Variants in DRP2 observed in about 807,000 individuals in gnomAD.
DRP2 encodes the protein dystrophin related protein 2.
Under a neutral mutation model 78.2 loss-of-function variants are expected in DRP2, and 29 were observed. That is an observed-to-expected ratio of 0.37 (90% CI 0.28 to 0.51). The LOEUF (loss-of-function observed/expected upper bound fraction) is 0.51, where lower values mean the gene tolerates loss of function less well. DRP2 is among the 20% of genes least tolerant of loss of function. The pLI, the probability that DRP2 is intolerant of heterozygous loss-of-function variation, is 0.94. For missense variants in DRP2, 686 were observed against 770.6 expected (o/e 0.89, Z 1.30); for synonymous variants, 290 against 281.9 (o/e 1.03, Z -0.29).
chrX:101,228,664 T>G (rs1922201708), intron 2 of DRP2, among the ~76,000 whole-genome samples: 1 of 111,555 alleles, frequency 9.0e-6, no homozygotes, highest in Non-Finnish European at 1.9e-5. Flanking sequence ...ATATAAACAC[T>G]TTGCGAGGCT....
intron 1 of DRP2, among the ~76,000 whole-genome samples, chrX:101,221,090 G>A (rs1250247703): frequency 8.9e-6 from 1 of 111,987 alleles, no homozygotes; most frequent in Non-Finnish European, 1.9e-5. Context: ...TGGCAAGGCT[G>A]GGCTGGGGTG....
At chrX:101,257,078 A>T (rs1338858605) in intron 21 of DRP2, among the ~76,000 whole-genome samples, 2 of 110,197 alleles carry the variant, frequency 1.8e-5, no homozygotes, top group African/African-American at 6.6e-5. Context: ...GTGAAGAAGA[A>T]TACAGGGAAG....
At chrX:101,260,267 T>G (rs1376468442) in intron 23 of DRP2, 98 bp downstream of exon 23, 1 of 1,111,357 alleles carries the variant, frequency 9.0e-7, no homozygotes, top group East Asian at 3.0e-5. Context: ...TGGTTTCTCC[T>G]CTTGGCTTTG....
At chrX:101,237,595 A>ACGAGGTCAGGAGATCGAGACCATCC in intron 4 of DRP2, 24 bp from the exon 5 acceptor site, 1 of 1,046,529 alleles carries the variant, frequency 9.6e-7, no homozygotes, top group Admixed American at 3.4e-5. Context: ...ACTGAACATC[A>ACGAGGTCAGGAGATCGAGACCATCC]CTGGTTTTAC....
Position 101,248,121 on chromosome X carries a change from A to C in DRP2, c.1285A>C (p.Ile429Leu), listed in dbSNP as rs766442310. Residue 429 changes from isoleucine to leucine, a missense_variant, in exon 13 of 24, where the codon ATC becomes CTC. Transcript: ENST00000395209. ...DLVTLTTALE[I>L]FNEHDLQASE... ...GGTAACTTTAACCACAGCCCTGGAA[A>C]TCTTCAATGAGCATGATCTGCAGGC... 8 of 1,209,436 alleles carry C rather than the reference A, an allele frequency of 6.6e-6. No homozygotes were observed. The highest frequency in any genetic ancestry group is 1.8e-5 in the African/African-American group (1 of 56,921).
chrX:101,260,681 C>T lies in DRP2; in HGVS notation c.*60C>T. The T allele has an allele frequency of 1.7e-6, 2 of 1,152,613 alleles. No individual in the cohort carries two copies. The highest frequency in any genetic ancestry group is 1.8e-5 in the African/African-American group (1 of 56,199). The allele number at this position is 1,152,613 out of a possible 1,213,427, so 95.0% of individuals were successfully genotyped here. On this transcript the variant is annotated 3_prime_UTR_variant, in exon 24 of 24. Transcript: ENST00000395209. The stretch of plus-strand genomic sequence containing the variant: ...TCTCCTGGTTCCGGTCAAAGCCTTT[C>T]CTCAGCCTTCACCCAACCTTTCCAG...
intron 13 of DRP2, 72 bp downstream of exon 13, chrX:101,248,362 G>C: frequency 2.7e-6 from 3 of 1,130,035 alleles, no homozygotes; most frequent in Non-Finnish European, 3.6e-6. Context: ...CTGGTGGGAA[G>C]GTGTTGCTCC....
rs1393383968 is a variant in DRP2 at position 101,245,315 on chromosome X, G to A, written c.1116-73G>A. 6 of 1,023,476 alleles carry A rather than the reference G, an allele frequency of 5.9e-6. No homozygotes were observed. The Admixed American group carries it at 1.0e-4, about 18-fold the overall frequency. 84.3% of individuals were successfully genotyped at this position (1,023,476 alleles called of 1,213,427 possible). On this transcript the variant is annotated intron_variant, in intron 10 of 23. Transcript: ENST00000395209. ...TTCTTGCATCCAACCTGTCACTTGA[G>A]TGGTGTGCACATCTGAGTGTGGGGG...
intron 1 of DRP2, among the ~76,000 whole-genome samples, chrX:101,222,972 CAGT>C (rs1373994255): frequency 5.4e-5 from 6 of 112,100 alleles, no homozygotes; most frequent in African/African-American, 1.6e-4. Context: ...AAGTTTGTAT[CAGT>C]GGTGTATCAT....
At position 101,248,541 on chromosome X, in the gene DRP2, G is replaced by A; in HGVS notation, c.1482G>A (p.Leu494=). 8.3e-7 allele frequency: 1 copy of A among 1,212,090 alleles called. No homozygotes were observed. Among genetic ancestry groups the A allele is most frequent in the Non-Finnish European group, 1.1e-6 (1 of 895,558 alleles). ...DSGRSGKMRA[L]SFKTGIACLC... Reference sequence around the variant, plus strand: ...GTCGCAGCGGAAAGATGCGGGCATTGTCTTTTAAGACTGGCATTGCATGCT... The same window carrying A: ...GTCGCAGCGGAAAGATGCGGGCATTATCTTTTAAGACTGGCATTGCATGCT... Residue 494 remains leucine (L), a synonymous_variant, in exon 14 of 24, where the codon TTG becomes TTA. Transcript: ENST00000395209.
intron 4 of DRP2, among the ~76,000 whole-genome samples, chrX:101,237,014 A>G (rs1569508454): frequency 9.0e-6 from 1 of 111,516 alleles, no homozygotes; most frequent in African/African-American, 3.3e-5. Context: ...AGGAGGGCAG[A>G]CAGAGATAAT....
chrX:101,259,981 G>C, intron 22 of DRP2, 68 bp from the exon 23 acceptor site: 1 of 1,189,999 alleles, frequency 8.4e-7, no homozygotes, highest in South Asian at 1.8e-5. Flanking sequence ...TCCCTTCTAA[G>C]CTCAGGAGTC....
intron 1 of DRP2, among the ~76,000 whole-genome samples, chrX:101,224,182 GTTTTTTTTGTTTT>G (rs1922000957): frequency 2.3e-5 from 1 of 44,232 alleles, no homozygotes. Flanking sequence ...TGTTTGCTGG[GTTTTTTTTGTTTT>G]TTTTTTTTTT....
intron 11 of DRP2, among the ~76,000 whole-genome samples, chrX:101,246,191 G>A (rs769806119): frequency 1.1e-4 from 12 of 111,983 alleles, no homozygotes; most frequent in Non-Finnish European, 1.9e-4. Context: ...CTTTATCCTC[G>A]CACCTTTCTC....
chrX:101,260,507 G>C lies in DRP2; in HGVS notation c.2760G>C (p.Gly920=). Residue 920 remains glycine, a synonymous_variant, in exon 24 of 24, where the codon GGG becomes GGC. Transcript: ENST00000395209. ...TGTTTTTTAACCCAGATGATGTGGGGTCAAAGAGCCAGGATGTCAGCCTGT... is the reference window on the plus strand; with the variant it reads ...TGTTTTTTAACCCAGATGATGTGGGCTCAAAGAGCCAGGATGTCAGCCTGT... The part of the protein sequence containing the change: ...TPDTEAADDV[G]SKSQDVSLCL... 8.3e-7 allele frequency: 1 copy of C among 1,210,029 alleles called. No homozygotes were observed. The highest frequency in any genetic ancestry group is 1.1e-6 in the Non-Finnish European group (1 of 895,014).
intron 22 of DRP2, among the ~76,000 whole-genome samples, chrX:101,259,764 C>T (rs10482004): frequency 0.17 from 18,673 of 111,541 alleles, 1,244 homozygotes; most frequent in East Asian, 0.27. Flanking sequence ...TCCCAAAGTG[C>T]TGGGATTACA....
At chrX:101,245,745 T>C (rs764411954) in intron 11 of DRP2, among the ~76,000 whole-genome samples, 2 of 111,202 alleles carry the variant, frequency 1.8e-5, no homozygotes, top group Admixed American at 9.5e-5. Flanking sequence ...TGGCTGCCAG[T>C]GGCTGAGGGG....
chrX:101,236,139 C>T, intron 4 of DRP2, 116 bp downstream of exon 4: 1 of 794,322 alleles, frequency 1.3e-6, no homozygotes, highest in Non-Finnish European at 1.8e-6. Context: ...CCACCCACTT[C>T]TCCCTTTCCT....
In DRP2 at chrX:101,239,034, G is replaced by A. The variant is rs1922615086; in HGVS notation, c.492G>A (p.Glu164=). The A allele has an allele frequency of 8.3e-7, 1 of 1,211,017 alleles. No individual in the cohort carries two copies. Among genetic ancestry groups the A allele is most frequent in the Non-Finnish European group, 1.1e-6 (1 of 895,018 alleles). ...GCCCCTACATCTATTCTGTGCTGGA[G>A]TCAGCTCAGGCCTTCCTGTCCCAGC... ...SRGPYIYSVL[E]SAQAFLSQHP... Residue 164 remains glutamate, a synonymous_variant, in exon 6 of 24, where the codon GAG becomes GAA. Coordinates refer to ENST00000395209, the MANE Select transcript of DRP2 (RefSeq NM_001939.3).
Sources: gnomAD v4.1 joint callset for allele counts (sites outside exome capture counted in the v4.1 genomes callset) on GRCh38, gnomAD v4.1.1 for gene constraint, MANE v1.5 for transcripts, NCBI Gene and HGNC (gene_info 2026-07-23, HGNC 2026-07-21) for gene names.